Variants in MYO9A observed in about 807,000 individuals in gnomAD.
MYO9A encodes the protein unconventional myosin-IXa.
Under a neutral mutation model 293.3 loss-of-function variants are expected in MYO9A, and 103 were observed. That is an observed-to-expected ratio of 0.35 (90% CI 0.30 to 0.41). The LOEUF is 0.41. MYO9A is among the 10% of genes least tolerant of loss of function. The probability of loss-of-function intolerance (pLI) is 1.00; values close to 1 mark genes in which losing one functional copy is unlikely to be tolerated. For missense variants in MYO9A, 2,685 were observed against 3,033.0 expected (o/e 0.89, Z 2.69); for synonymous variants, 1,001 against 1,035.7 (o/e 0.97, Z 0.64).
At chr15:71,875,713 C>T in intron 32 of MYO9A, 78 bp downstream of exon 32, 1 of 656,828 alleles carries the variant, frequency 1.5e-6, no homozygotes, top group Non-Finnish European at 2.3e-6. Context: ...AATATATCCA[C>T]ATATATATTG....
chr15:71,997,517 T>C (rs2076732484), intron 9 of MYO9A, among the ~76,000 whole-genome samples: 1 of 151,964 alleles, frequency 6.6e-6, no homozygotes. Flanking sequence ...GGAGAATCAC[T>C]TGAACCCAAG....
intron 3 of MYO9A, among the ~76,000 whole-genome samples, chr15:72,030,955 G>A (rs1248643688): frequency 1.3e-5 from 2 of 152,206 alleles, no homozygotes; most frequent in Non-Finnish European, 2.9e-5. Context: ...GCAGCAGGAG[G>A]TAAGCGGCCA....
intron 1 of MYO9A, chr15:72,114,507 A>C (rs1222933830): frequency 6.6e-6 from 1 of 152,250 alleles, no homozygotes; most frequent in African/African-American, 2.4e-5. Flanking sequence ...CAGGTTCCTG[A>C]AGGTTTCATG....
intron 11 of MYO9A, among the ~76,000 whole-genome samples, chr15:71,983,450 GTTTTTTATTTTTTTTATTTCTTTTTTT>G (rs1470529367): frequency 1.3e-4 from 15 of 115,240 alleles, no homozygotes; most frequent in African/African-American, 4.8e-4. Context: ...ACATTAAATA[GTTTTTTATTTTTTTTATTTCTTTTTTT>G]TTTTTTTTTT....
At chr15:71,897,016 G>C (rs1195361749) in intron 25 of MYO9A, 1 of 158,482 alleles carries the variant, frequency 6.3e-6, no homozygotes. Context: ...GAAATTTTAT[G>C]TTATGTGTTT....
chr15:72,002,558 T>G (rs1214680879), intron 8 of MYO9A, among the ~76,000 whole-genome samples: 1 of 151,854 alleles, frequency 6.6e-6, no homozygotes, highest in Non-Finnish European at 1.5e-5. Flanking sequence ...AATATAGAAA[T>G]CAGCATTGAA....
chr15:71,873,118 T>C (rs570660443), intron 32 of MYO9A, among the ~76,000 whole-genome samples: 3 of 152,116 alleles, frequency 2.0e-5, no homozygotes, highest in Non-Finnish European at 2.9e-5. Context: ...GGTTTCGCCA[T>C]GTTGGCCAGG....
At chr15:71,935,514 T>G (rs758738485) in intron 16 of MYO9A, 30 bp from the exon 17 acceptor site, 1 of 1,599,524 alleles carries the variant, frequency 6.3e-7, no homozygotes, top group Non-Finnish European at 8.6e-7. Context: ...CTTTAGTTAA[T>G]GAAGACGTCT....
intron 38 of MYO9A, 88 bp downstream of exon 38, chr15:71,849,948 C>T: frequency 6.7e-7 from 1 of 1,501,786 alleles, no homozygotes; most frequent in South Asian, 1.2e-5. Context: ...AATTTATGAA[C>T]CCATTCACTA....
chr15:71,845,136 G>T (rs746158360), intron 39 of MYO9A, among the ~76,000 whole-genome samples: 11 of 152,150 alleles, frequency 7.2e-5, no homozygotes, highest in Non-Finnish European at 1.2e-4. Flanking sequence ...ACTTCCTGAG[G>T]AGTTTGCTTT....
In MYO9A at chr15:71,994,463, C is replaced by A. The variant is rs1263596428; in HGVS notation, c.1587+6G>T. 2 of 1,502,828 alleles carry A rather than the reference C, an allele frequency of 1.3e-6. No homozygotes were observed. The highest frequency in any genetic ancestry group is 2.4e-5 in the South Asian group (2 of 81,782). The allele number at this position is 1,502,828 out of a possible 1,614,324, so 93.1% of individuals were successfully genotyped here. A position where few individuals can be genotyped will look rare whatever the true frequency, so the allele number is the denominator to read the frequency against. On this transcript the variant is annotated splice_donor_region_variant and intron_variant, in intron 10 of 41. Transcript: ENST00000356056. ...AAAAACATATTATAATCCAATATAT[C>A]ATTACCTTGGTATTATGCTCTAAAT...
intron 1 of MYO9A, among the ~76,000 whole-genome samples, chr15:72,103,417 CAGCAG>C (rs2080448471): frequency 7.2e-6 from 1 of 138,364 alleles, no homozygotes; most frequent in Admixed American, 7.2e-5. Context: ...CAGCAAGCAG[CAGCAG>C]AAGCAGCAGC....
intron 39 of MYO9A, among the ~76,000 whole-genome samples, chr15:71,830,814 C>T (rs2054691995): frequency 6.6e-6 from 1 of 152,044 alleles, no homozygotes; most frequent in Non-Finnish European, 1.5e-5. Flanking sequence ...AATGCATAAT[C>T]TCTCTAGGAA....
intron 12 of MYO9A, among the ~76,000 whole-genome samples, chr15:71,974,423 C>T (rs145613667): frequency 0.012 from 1,888 of 152,222 alleles, 58 homozygotes; most frequent in Admixed American, 0.06. Context: ...GGGAAAGAGG[C>T]GGTTGGGGAA....
At chr15:72,009,511 G>A (rs985518895) in intron 7 of MYO9A, among the ~76,000 whole-genome samples, 4 of 151,514 alleles carry the variant, frequency 2.6e-5, no homozygotes, top group Non-Finnish European at 5.9e-5. Context: ...GATCACTTGA[G>A]CCTAGGAATT....
intron 1 of MYO9A, chr15:72,114,164 G>A (rs2080882960): frequency 6.6e-6 from 1 of 152,066 alleles, no homozygotes; most frequent in Non-Finnish European, 1.5e-5. Context: ...GTTCCCTTGT[G>A]TATGGTTCCT....
chr15:71,922,942 A>G (rs1189769616), intron 18 of MYO9A, among the ~76,000 whole-genome samples: 1 of 152,016 alleles, frequency 6.6e-6, no homozygotes, highest in Non-Finnish European at 1.5e-5. Context: ...AAGTGGTGAA[A>G]GCGGGCATCC....
intron 34 of MYO9A, among the ~76,000 whole-genome samples, chr15:71,857,264 T>C (rs1190878104): frequency 1.3e-5 from 2 of 152,064 alleles, no homozygotes; most frequent in African/African-American, 2.4e-5. Flanking sequence ...CTATTTTCAA[T>C]GGAAAAAAAA....
intron 26 of MYO9A, chr15:71,890,622 G>A (rs868354282): frequency 2.0e-5 from 3 of 152,108 alleles, no homozygotes; most frequent in Non-Finnish European, 4.4e-5. Context: ...TTATTCAAAC[G>A]GCAGCGTTTG....
Sources: allele counts gnomAD v4.1 joint callset (sites outside exome capture counted in the v4.1 genomes callset), GRCh38; gene constraint gnomAD v4.1.1; transcripts MANE v1.5; gene names NCBI Gene and HGNC (gene_info 2026-07-23, HGNC 2026-07-21).